The following PPP2R1A variants were observed in gnomAD, a reference collection of about 807,000 sequenced individuals.
PPP2R1A encodes the protein protein phosphatase 2 scaffold subunit Aalpha.
PPP2R1A carries 15 observed loss-of-function variants against 67.1 expected under a neutral mutation model. The ratio of observed to expected loss-of-function variants is 0.22; its 90% CI spans 0.15 to 0.34. The LOEUF is 0.34. Among genes scored for constraint, PPP2R1A ranks in the 10% least tolerant of loss-of-function variants. PPP2R1A has a pLI of 1.00. For missense variants in PPP2R1A, 369 were observed against 775.0 expected (o/e 0.48, Z 6.22); for synonymous variants, 337 against 325.0 (o/e 1.04, Z -0.40).
rs975700075 is a variant in PPP2R1A at position 52,212,563 on chromosome 19, A to G, written c.504-123A>G. The G allele has an allele frequency of 1.1e-4, 125 of 1,171,144 alleles. No individual in the cohort carries two copies. Among genetic ancestry groups the G allele is most frequent in the Non-Finnish European group, 1.4e-4 (119 of 837,648 alleles). The allele number at this position is 1,171,144 out of a possible 1,614,324, so 72.5% of individuals were successfully genotyped here. ...GTTTCATAGGGCTGGGAAGACAGAG[A>G]GGGGGTCATCACTTGCCCAAGGTCA... On this transcript the variant is annotated intron_variant, in intron 4 of 14. Coordinates refer to ENST00000322088, the MANE Select transcript of PPP2R1A (RefSeq NM_014225.6). This position sits in a 1 kb window ranked among gnomAD's most constrained non-coding sequence, Gnocchi z 4.1.
At position 52,221,001 on chromosome 19, in the gene PPP2R1A, C is replaced by T. The variant is rs1978889449; in HGVS notation, c.1386C>T (p.Ala462=). 6.2e-6 allele frequency: 10 copies of T among 1,614,210 alleles called. No homozygotes were observed. The Admixed American group carries it at 1.5e-4, about 24-fold the overall frequency. The change falls in exon 12 of 15, where the codon GCC becomes GCT. Residue 462 remains alanine, a synonymous_variant. Transcript: ENST00000322088. Reference sequence around the variant, plus strand: ...CAGTATATGCCATCCGCGAGGCAGCCACCAGCAACCTGAAGAAGCTAGTGG... The same window carrying T: ...CAGTATATGCCATCCGCGAGGCAGCTACCAGCAACCTGAAGAAGCTAGTGG... ...VDHVYAIREA[A]TSNLKKLVEK...
chr19:52,220,184 T>C lies in PPP2R1A; in HGVS notation c.1303-5T>C. ...TTACCTTGGAACCCTTGGTTTCTCC[T>C]GTAGGGAGTGGAGTTCTTTGATGAG... On this transcript the variant is annotated splice_polypyrimidine_tract_variant and splice_region_variant and intron_variant, in intron 10 of 14. Transcript: ENST00000322088. 4 of 1,613,950 alleles carry C rather than the reference T, an allele frequency of 2.5e-6. No homozygotes were observed. The highest frequency in any genetic ancestry group is 3.4e-6 in the Non-Finnish European group (4 of 1,179,848).
At chr19:52,209,208 C>T (rs910067516) in intron 3 of PPP2R1A, among the ~76,000 whole-genome samples, 11 of 152,200 alleles carry the variant, frequency 7.2e-5, no homozygotes, top group African/African-American at 2.7e-4. Context: ...CTCCTTATAA[C>T]AGATTGCCGT....
chr19:52,211,138 C>T lies in PPP2R1A; in HGVS notation c.271-122C>T, dbSNP rs532047946. 6.0e-6 allele frequency: 5 copies of T among 828,174 alleles called. No homozygotes were observed. Among genetic ancestry groups the T allele is most frequent in the South Asian group, 3.6e-5 (2 of 56,030 alleles). The allele number at this position is 828,174 out of a possible 1,614,324, so 51.3% of individuals were successfully genotyped here. On this transcript the variant is annotated intron_variant, in intron 3 of 14. Transcript: ENST00000322088. The surrounding 1 kb of genome is among the most constrained non-coding windows in gnomAD (Gnocchi z 5.3). ...TTTTAAAGGCTATTTTAATGAAGGT[C>T]GGGATGGGTAATAGGGAAGTTTTCT... is the stretch of plus-strand genomic sequence containing the variant.
intron 13 of PPP2R1A, among the ~76,000 whole-genome samples, chr19:52,222,929 C>T (rs1568599573): frequency 6.6e-6 from 1 of 152,204 alleles, no homozygotes; most frequent in Admixed American, 6.5e-5. Context: ...GTTCCCTGAA[C>T]TCATCTTTAG....
In PPP2R1A at chr19:52,212,887, C is replaced by G; in HGVS notation, c.651+54C>G. Reference sequence around the variant, plus strand: ...TCCCGTCCTTCTGGTGGTTCCTGCCCATGAAAGAGAATCCCAGAGCTCAGC... The same window carrying G: ...TCCCGTCCTTCTGGTGGTTCCTGCCGATGAAAGAGAATCCCAGAGCTCAGC... On this transcript the variant is annotated intron_variant, in intron 5 of 14. Coordinates refer to ENST00000322088, the MANE Select transcript of PPP2R1A (RefSeq NM_014225.6). This position sits in a 1 kb window ranked among gnomAD's most constrained non-coding sequence, Gnocchi z 4.1. 6.4e-7 allele frequency: 1 copy of G among 1,567,970 alleles called. No individual in the cohort carries two copies. Among genetic ancestry groups the G allele is most frequent in the Admixed American group, 1.8e-5 (1 of 55,202 alleles).
rs1049600117 is a variant in PPP2R1A at position 52,229,077 on chromosome 19, G to C, written c.*3096G>C. 1 of 152,172 alleles carries C rather than the reference G, an allele frequency of 6.6e-6. No homozygotes were observed. The highest frequency in any genetic ancestry group is 2.4e-5 in the African/African-American group (1 of 41,422). The allele number at this position is 152,172 out of a possible 1,614,324, so 9.4% of individuals were successfully genotyped here. ...AACTGCAGGGCACCGACAAGATTCT[G>C]CCTGTGGCCATCAGGGCTGGAGGGA... On this transcript the variant is annotated 3_prime_UTR_variant, in exon 15 of 15. Transcript: ENST00000322088.
intron 6 of PPP2R1A, among the ~76,000 whole-genome samples, chr19:52,215,016 A>G (rs1978479953): frequency 1.3e-5 from 2 of 152,174 alleles, no homozygotes; most frequent in Non-Finnish European, 2.9e-5. Context: ...GTAAGCCACT[A>G]CGCCCAGCCC....
At chr19:52,205,869 G>A (rs1435008229) in intron 2 of PPP2R1A, 94 bp from the exon 3 acceptor site, 5 of 1,014,084 alleles carry the variant, frequency 4.9e-6, no homozygotes, top group African/African-American at 1.6e-5. Context: ...AGTGCTGACA[G>A]CCTGAGGAAG....
intron 3 of PPP2R1A, among the ~76,000 whole-genome samples, chr19:52,207,906 G>A (rs564390804): frequency 3.3e-5 from 5 of 152,232 alleles, no homozygotes; most frequent in South Asian, 2.1e-4. Flanking sequence ...CAGGGAAGGC[G>A]CCTAACCTGC....
At chr19:52,202,238 G>A (rs2089556731) in intron 2 of PPP2R1A, among the ~76,000 whole-genome samples, 1 of 152,134 alleles carries the variant, frequency 6.6e-6, no homozygotes, top group Admixed American at 6.5e-5. Context: ...TGGTGAAAGG[G>A]ATCTAGAAGC....
intron 1 of PPP2R1A, among the ~76,000 whole-genome samples, chr19:52,192,206 G>C (rs1200999656): frequency 6.6e-6 from 1 of 152,106 alleles, no homozygotes; most frequent in Non-Finnish European, 1.5e-5. Flanking sequence ...AGGCCAATCA[G>C]GCAAGGCCCC....
chr19:52,207,105 C>G (rs2089611723), intron 3 of PPP2R1A, among the ~76,000 whole-genome samples: 1 of 152,152 alleles, frequency 6.6e-6, no homozygotes, highest in Non-Finnish European at 1.5e-5. Flanking sequence ...CAGCCTTCAT[C>G]TGGGCATATG....
rs2122350544 is a variant in PPP2R1A at position 52,216,459 on chromosome 19, G to A, written c.994-70G>A. 2 of 1,575,108 alleles carry A rather than the reference G, an allele frequency of 1.3e-6. No homozygotes were observed. The highest frequency in any genetic ancestry group is 2.7e-5 in the African/African-American group (2 of 74,162). ...AGCAGGTTATTGTCTCTTAGGAGTTGGCATCTGCTTAGCCACTTGCTGCTG... is the reference window on the plus strand; with the variant it reads ...AGCAGGTTATTGTCTCTTAGGAGTTAGCATCTGCTTAGCCACTTGCTGCTG... On this transcript the variant is annotated intron_variant, in intron 8 of 14. Coordinates refer to ENST00000322088, the MANE Select transcript of PPP2R1A (RefSeq NM_014225.6). This position sits in a 1 kb window ranked among gnomAD's most constrained non-coding sequence, Gnocchi z 4.3.
intron 1 of PPP2R1A, among the ~76,000 whole-genome samples, chr19:52,194,901 G>C (rs2089484572): frequency 6.6e-6 from 1 of 152,200 alleles, no homozygotes; most frequent in South Asian, 2.1e-4. Flanking sequence ...GTGGGACCAA[G>C]TCAGCAAGTG....
At chr19:52,225,514 A>G (rs1454175563) in intron 13 of PPP2R1A, among the ~76,000 whole-genome samples, 3 of 152,076 alleles carry the variant, frequency 2.0e-5, no homozygotes, top group Admixed American at 6.5e-5. Context: ...GCAAAATGTT[A>G]TTATTAACTA....
rs1269755355 is a variant in PPP2R1A, at chr19:52,226,947, C to T, written c.*966C>T. On this transcript the variant is annotated 3_prime_UTR_variant, in exon 15 of 15. Coordinates refer to ENST00000322088, the MANE Select transcript of PPP2R1A (RefSeq NM_014225.6). ...CCCCCTGTGGGCCATTTCCTGTGTT[C>T]TTGAAGAAGACTTGGGCTTGGACCC... 1 of 152,128 alleles carries T rather than the reference C, an allele frequency of 6.6e-6. No homozygotes were observed. Among genetic ancestry groups the T allele is most frequent in the Non-Finnish European group, 1.5e-5 (1 of 68,048 alleles). 9.4% of individuals were successfully genotyped at this position (152,128 alleles called of 1,614,324 possible).
chr19:52,215,145 T>C (rs1014334180), intron 6 of PPP2R1A, among the ~76,000 whole-genome samples: 1 of 152,178 alleles, frequency 6.6e-6, no homozygotes, highest in Admixed American at 6.5e-5. Context: ...AGCCTTGACC[T>C]CCTGGGCTCA....
chr19:52,190,943 T>G (rs1327326676), intron 1 of PPP2R1A: 1 of 152,264 alleles, frequency 6.6e-6, no homozygotes, highest in Admixed American at 6.5e-5. Context: ...CAGTGCAACC[T>G]CTGCATACCG....
Sources: allele counts gnomAD v4.1 joint callset (sites outside exome capture counted in the v4.1 genomes callset), GRCh38; gene constraint gnomAD v4.1.1; non-coding constraint Gnocchi (gnomAD v3.1); transcripts MANE v1.5; gene names NCBI Gene and HGNC (gene_info 2026-07-23, HGNC 2026-07-21).